Variants in PRKN observed in about 807,000 individuals in gnomAD.
The protein encoded by PRKN is parkin RBR E3 ubiquitin protein ligase.
PRKN carries 56 observed loss-of-function variants against 59.5 expected under a neutral mutation model. That is an observed-to-expected ratio of 0.94 (90% CI 0.76 to 1.18). The LOEUF (loss-of-function observed/expected upper bound fraction) is 1.18, where lower values mean the gene tolerates loss of function less well. Among genes scored for constraint, PRKN ranks in the 50% most tolerant of loss-of-function variants. PRKN has a pLI of 0.00. For synonymous variants in PRKN, 250 were observed against 222.1 expected (o/e 1.13, Z -1.12); for missense variants, 657 against 596.4 (o/e 1.10, Z -1.06).
At chr6:162,565,184 A>G (rs1278453513) in intron 1 of PRKN, among the ~76,000 whole-genome samples, 1 of 152,208 alleles carries the variant, frequency 6.6e-6, no homozygotes, top group Non-Finnish European at 1.5e-5. Context: ...AATTGGTGTT[A>G]AGTTGTTATG....
intron 7 of PRKN, among the ~76,000 whole-genome samples, chr6:161,615,999 A>C (rs1239864831): frequency 1.3e-5 from 2 of 151,490 alleles, no homozygotes; most frequent in Admixed American, 1.3e-4. Flanking sequence ...TCTCACCAGG[A>C]CTCCCTCAGG....
intron 9 of PRKN, among the ~76,000 whole-genome samples, chr6:161,491,954 T>A (rs1320440571): frequency 6.6e-6 from 1 of 152,180 alleles, no homozygotes; most frequent in African/African-American, 2.4e-5. Context: ...TCTTTAACCT[T>A]GTTTTTTATC....
chr6:161,754,954 A>G (rs973873235), intron 7 of PRKN, among the ~76,000 whole-genome samples: 2 of 152,208 alleles, frequency 1.3e-5, no homozygotes, highest in African/African-American at 2.4e-5. Flanking sequence ...ATCCCCACTC[A>G]GGGGGAGAAA....
At chr6:161,997,557 G>C (rs1781893323) in intron 5 of PRKN, among the ~76,000 whole-genome samples, 1 of 152,156 alleles carries the variant, frequency 6.6e-6, no homozygotes, top group Non-Finnish European at 1.5e-5. Context: ...CTGTGGTAGA[G>C]GCATGGTGGC....
chr6:162,596,882 A>G (rs558964096), intron 1 of PRKN, among the ~76,000 whole-genome samples: 1 of 152,318 alleles, frequency 6.6e-6, no homozygotes, highest in East Asian at 1.9e-4. Flanking sequence ...AGCTTCATGC[A>G]TGGGGAATCC....
chr6:162,020,332 C>CA (rs771141235), intron 5 of PRKN, among the ~76,000 whole-genome samples: 7,822 of 44,892 alleles, frequency 0.17, 1,529 homozygotes, highest in East Asian at 0.32. Context: ...ACCAATGAAT[C>CA]AAAAAAAAAA....
intron 4 of PRKN, among the ~76,000 whole-genome samples, chr6:162,076,338 G>A (rs1026702094): frequency 2.0e-5 from 3 of 151,798 alleles, no homozygotes; most frequent in Non-Finnish European, 4.4e-5. Context: ...CTTTGTCCTT[G>A]GACAAGTATG....
intron 1 of PRKN, among the ~76,000 whole-genome samples, chr6:162,584,694 C>A (rs1338430553): frequency 6.6e-6 from 1 of 151,532 alleles, no homozygotes; most frequent in African/African-American, 2.4e-5. Context: ...GAAATATTGT[C>A]AAAGTTCTTC....
At chr6:162,688,341 T>C (rs186020055) in intron 1 of PRKN, among the ~76,000 whole-genome samples, 47 of 152,328 alleles carry the variant, frequency 3.1e-4, no homozygotes, top group African/African-American at 1.1e-3. Flanking sequence ...CTTAGAAATA[T>C]TCTACATATT....
chr6:161,680,450 G>A (rs940416141), intron 7 of PRKN, among the ~76,000 whole-genome samples: 12 of 152,094 alleles, frequency 7.9e-5, no homozygotes, highest in South Asian at 2.1e-4. Flanking sequence ...GTCCTCGAGC[G>A]TCCATTTGAG....
chr6:162,619,371 C>T (rs1193970223), intron 1 of PRKN, among the ~76,000 whole-genome samples: 1 of 151,656 alleles, frequency 6.6e-6, no homozygotes, highest in Non-Finnish European at 1.5e-5. Flanking sequence ...CGGTCTCCAT[C>T]TCTTGACCTC....
At chr6:162,035,768 A>C (rs2128280465) in intron 5 of PRKN, among the ~76,000 whole-genome samples, 1 of 152,334 alleles carries the variant, frequency 6.6e-6, no homozygotes, top group Middle Eastern at 3.4e-3. Context: ...GGTTAATATA[A>C]TAAAAAGATG....
intron 7 of PRKN, among the ~76,000 whole-genome samples, chr6:161,596,706 A>G (rs1781926944): frequency 1.3e-5 from 2 of 152,214 alleles, no homozygotes; most frequent in South Asian, 4.1e-4. Flanking sequence ...AAGGAGAGTT[A>G]CACTAGATTA....
At chr6:162,510,339 G>A (rs895218575) in intron 1 of PRKN, among the ~76,000 whole-genome samples, 3 of 152,130 alleles carry the variant, frequency 2.0e-5, no homozygotes, top group African/African-American at 7.2e-5. Context: ...CACAGAACTT[G>A]TTCAGAATTT....
At chr6:161,577,818 G>T (rs1384645806) in intron 7 of PRKN, among the ~76,000 whole-genome samples, 4 of 152,178 alleles carry the variant, frequency 2.6e-5, no homozygotes, top group Non-Finnish European at 5.9e-5. Context: ...TAGTGGCTAT[G>T]AGACTATCCA....
intron 6 of PRKN, among the ~76,000 whole-genome samples, chr6:161,831,587 A>G (rs550099530): frequency 2.6e-4 from 39 of 152,344 alleles, no homozygotes; most frequent in African/African-American, 8.7e-4. Flanking sequence ...TTGGCGAGGG[A>G]GCACTGGTTC....
intron 2 of PRKN, among the ~76,000 whole-genome samples, chr6:162,278,900 T>C (rs1004282362): frequency 5.9e-5 from 9 of 152,108 alleles, no homozygotes; most frequent in African/African-American, 1.9e-4. Context: ...TGTGGCAAAG[T>C]GTTAACAGTT....
At position 161,459,020 on chromosome 6, in the gene PRKN, G is replaced by A. The variant is rs947362039; in HGVS notation, c.1084-72143C>T. Among the ~76,000 whole-genome samples, 2 of 152,096 alleles carry A rather than the reference G, an allele frequency of 1.3e-5. No homozygotes were observed. Among genetic ancestry groups the A allele is most frequent in the Non-Finnish European group, 2.9e-5 (2 of 68,020 alleles). On this transcript the variant is annotated intron_variant, in intron 9 of 11. Coordinates refer to ENST00000366898, the MANE Select transcript of PRKN (RefSeq NM_004562.3). This position sits in a 1 kb window ranked among gnomAD's most constrained non-coding sequence, Gnocchi z 4.8. ...TGAAAACCATGATAGTATCCAGGAGGGATTTTAAGGCAAGGCTGAGCTTTC... is the reference window on the plus strand; with the variant it reads ...TGAAAACCATGATAGTATCCAGGAGAGATTTTAAGGCAAGGCTGAGCTTTC...
Position 161,990,219 on chromosome 6 carries a change from C to T in PRKN, c.619-16802G>A, listed in dbSNP as rs189125365. ...GGTGTCCCTGTCCCCACAAAAGCTTCACTGCAACCTCTACTAACAAGTGCT... is the reference window on the plus strand; with the variant it reads ...GGTGTCCCTGTCCCCACAAAAGCTTTACTGCAACCTCTACTAACAAGTGCT... On this transcript the variant is annotated intron_variant, in intron 5 of 11. Coordinates refer to ENST00000366898, the MANE Select transcript of PRKN (RefSeq NM_004562.3). 1.6e-3 allele frequency among the ~76,000 whole-genome samples: 249 copies of T among 152,314 alleles called. 1 individual carries two copies. The highest frequency in any genetic ancestry group is 6.8e-3 in the Middle Eastern group (2 of 294).
Sources: allele counts gnomAD v4.1 joint callset (sites outside exome capture counted in the v4.1 genomes callset), GRCh38; gene constraint gnomAD v4.1.1; non-coding constraint Gnocchi (gnomAD v3.1); transcripts MANE v1.5; gene names NCBI Gene and HGNC (gene_info 2026-07-23, HGNC 2026-07-21).